RC3H2: variants seen among roughly 807,000 people sequenced by gnomAD.
RC3H2 encodes the protein roquin-2.
In RC3H2, 31 loss-of-function variants were observed where a neutral mutation model predicts 133.3. The observed-to-expected ratio is 0.23, with a 90% confidence interval of 0.17 to 0.31. The LOEUF (loss-of-function observed/expected upper bound fraction) is 0.31, where lower values mean the gene tolerates loss of function less well. Ranked by LOEUF, RC3H2 falls within the 10% of genes least tolerant of loss-of-function variation. RC3H2 has a pLI of 1.00. For missense variants in RC3H2, 1,175 were observed against 1,437.2 expected (o/e 0.82, Z 2.95); for synonymous variants, 517 against 502.2 (o/e 1.03, Z -0.40).
chr9:122,871,675 C>T (rs190312057), intron 9 of RC3H2, among the ~76,000 whole-genome samples: 8 of 152,108 alleles, frequency 5.3e-5, no homozygotes, highest in African/African-American at 1.9e-4. Flanking sequence ...TAAGAGATCT[C>T]CCCTTTCTCA....
At chr9:122,872,763 TTAGTA>T (rs1831155171) in intron 9 of RC3H2, among the ~76,000 whole-genome samples, 1 of 152,190 alleles carries the variant, frequency 6.6e-6, no homozygotes, top group African/African-American at 2.4e-5. Context: ...TTTTGTATTG[TTAGTA>T]GAGACAGAGT....
intron 4 of RC3H2, among the ~76,000 whole-genome samples, chr9:122,889,909 G>C (rs563623954): frequency 6.6e-6 from 1 of 152,110 alleles, no homozygotes; most frequent in African/African-American, 2.4e-5. Context: ...TGGGAGGCTG[G>C]GGCAGGCAGA....
chr9:122,861,873 A>G (rs898330162), intron 10 of RC3H2, among the ~76,000 whole-genome samples: 4 of 152,238 alleles, frequency 2.6e-5, no homozygotes, highest in African/African-American at 9.6e-5. Flanking sequence ...AGTAGGTACA[A>G]ACGTAAGGGT....
Position 122,895,848 on chromosome 9 carries a change from T to C in RC3H2, c.231+1431A>G, listed in dbSNP as rs530437380. ...ACTACCTGAAAACCTATGGTAAGAA[T>C]TAGTAATAATAAATGCTGAATACTT... On this transcript the variant is annotated intron_variant, in intron 2 of 20. Transcript: ENST00000357244. Among the ~76,000 whole-genome samples, 3 of 152,316 alleles carry C rather than the reference T, an allele frequency of 2.0e-5. No homozygotes were observed. In the South Asian group the frequency reaches 6.2e-4, roughly 32 times the overall value.
At chr9:122,860,450 C>T (rs369367557) in intron 10 of RC3H2, among the ~76,000 whole-genome samples, 12 of 144,838 alleles carry the variant, frequency 8.3e-5, no homozygotes, top group Middle Eastern at 3.7e-3. Context: ...CTCTGTCACC[C>T]GGGCTGGAGT....
chr9:122,857,547 T>C (rs1293773218), intron 13 of RC3H2, among the ~76,000 whole-genome samples: 1 of 152,186 alleles, frequency 6.6e-6, no homozygotes, highest in African/African-American at 2.4e-5. Context: ...CTGTAAAATA[T>C]GGAAAATACC....
rs549804579 is a variant in RC3H2, at chr9:122,864,429, T to C, written c.1634+920A>G. On this transcript the variant is annotated intron_variant, in intron 10 of 20. Coordinates refer to ENST00000357244, the MANE Select transcript of RC3H2 (RefSeq NM_001100588.3). ...CTGAGTGCTTACTATCTGGTAGGCA[T>C]TGTTCAAGGCATACTGGAGTATTAA... Among the ~76,000 whole-genome samples, 4 of 152,322 alleles carry C rather than the reference T, an allele frequency of 2.6e-5. No homozygotes were observed. In the East Asian group the frequency reaches 7.7e-4, roughly 29 times the overall value.
intron 4 of RC3H2, among the ~76,000 whole-genome samples, chr9:122,885,403 A>C (rs1233340763): frequency 1.3e-5 from 2 of 152,220 alleles, no homozygotes; most frequent in Non-Finnish European, 2.9e-5. Flanking sequence ...ATTAATCAAA[A>C]CAATAGAGCT....
At chr9:122,865,713 C>T in intron 9 of RC3H2, 56 bp from the exon 10 acceptor site, 2 of 1,466,990 alleles carry the variant, frequency 1.4e-6, no homozygotes, top group South Asian at 2.4e-5. Context: ...TTACTCAAGA[C>T]AAAAAATGGC....
chr9:122,887,319 G>A (rs566365229), intron 4 of RC3H2, among the ~76,000 whole-genome samples: 4 of 152,148 alleles, frequency 2.6e-5, no homozygotes, highest in African/African-American at 7.2e-5. Flanking sequence ...TCATTATGAT[G>A]TTTAAATTGC....
chr9:122,855,638 T>C (rs1318172579), intron 14 of RC3H2, 94 bp downstream of exon 14: 9 of 1,385,526 alleles, frequency 6.5e-6, no homozygotes, highest in African/African-American at 2.9e-5. Context: ...AAGGCAACAA[T>C]ATGAATGAAT....
chr9:122,879,890 A>G lies in RC3H2; in HGVS notation c.1094-17T>C. 1 of 1,612,734 alleles carries G rather than the reference A, an allele frequency of 6.2e-7. No homozygotes were observed. The highest frequency in any genetic ancestry group is 8.5e-7 in the Non-Finnish European group (1 of 1,178,882). On this transcript the variant is annotated splice_polypyrimidine_tract_variant and intron_variant, in intron 7 of 20. Transcript: ENST00000357244. Reference sequence around the variant, plus strand: ...AAACAGCGTCTAAAATAAGCCACCAAGGGCATGGGGGTTGGGGGGGAAGAA... The same window carrying G: ...AAACAGCGTCTAAAATAAGCCACCAGGGGCATGGGGGTTGGGGGGGAAGAA...
intron 1 of RC3H2, among the ~76,000 whole-genome samples, chr9:122,904,272 G>T (rs1005402100): frequency 2.0e-5 from 3 of 152,170 alleles, no homozygotes; most frequent in African/African-American, 7.2e-5. Flanking sequence ...CACTGGATTA[G>T]ATTTACTTTA....
In RC3H2 at chr9:122,859,008, T is replaced by C. The variant is rs1238645091; in HGVS notation, c.1944A>G (p.Pro648=). The C allele has an allele frequency of 6.2e-7, 1 of 1,613,842 alleles. No individual in the cohort carries two copies. Among genetic ancestry groups the C allele is most frequent in the Non-Finnish European group, 8.5e-7 (1 of 1,179,880 alleles). The part of the protein sequence containing the change: ...RSNNVPESSL[P]PASMPYADHY... Reference sequence around the variant, plus strand: ...GATCGGCATATGGCATGGAAGCAGGTGGGAGGGAGGACTCTGGAACGTTAT... The same window carrying C: ...GATCGGCATATGGCATGGAAGCAGGCGGGAGGGAGGACTCTGGAACGTTAT... Residue 648 remains proline (P), a synonymous_variant, in exon 12 of 21, where the codon CCA becomes CCG. Transcript: ENST00000357244.
At chr9:122,878,863 C>G (rs1003983888) in intron 8 of RC3H2, among the ~76,000 whole-genome samples, 2 of 151,358 alleles carry the variant, frequency 1.3e-5, no homozygotes, top group African/African-American at 4.8e-5. Context: ...ATTCTCCTGA[C>G]TCAGCCGTCT....
chr9:122,877,613 G>C (rs776785266), intron 8 of RC3H2, 30 bp from the exon 9 acceptor site: 1 of 1,534,180 alleles, frequency 6.5e-7, no homozygotes, highest in South Asian at 1.1e-5. Flanking sequence ...TTCAATGAGT[G>C]GCAAGGTGAA....
rs761490458 is a variant in RC3H2 at position 122,870,404 on chromosome 9, ACAAAC to A, written c.1326-4752_1326-4748del. ...AACAAACAAACAAACAAACAAACAA[ACAAAC>A]AAACAAAAAAAAAACAACAAACTGA... On this transcript the variant is annotated intron_variant, in intron 9 of 20. Transcript: ENST00000357244. Among the ~76,000 whole-genome samples the A allele has an allele frequency of 3.2e-4, 42 of 130,966 alleles. 3 individuals carry two copies. The highest frequency in any genetic ancestry group is 3.6e-3 in the Middle Eastern group (1 of 278). The allele number at this position is 130,966 out of a possible 152,430, so 85.9% of individuals were successfully genotyped here.
rs1829831208 is a variant in RC3H2, at chr9:122,844,717, A to AC, written c.*4909dup. ...CACTTCAGTGCTACAGCAAAAACAC[A>AC]CAGAATTCACTCTTTGCTATTCACT... On this transcript the variant is annotated 3_prime_UTR_variant, in exon 21 of 21. Transcript: ENST00000357244. 1 of 152,194 alleles carries AC rather than the reference A, an allele frequency of 6.6e-6. No homozygotes were observed. The allele number at this position is 152,194 out of a possible 1,614,324, so 9.4% of individuals were successfully genotyped here. A position where few individuals can be genotyped will look rare whatever the true frequency, so the allele number is the denominator to read the frequency against.
chr9:122,887,741 CT>C (rs112010654), intron 4 of RC3H2, among the ~76,000 whole-genome samples: 17,732 of 118,016 alleles, frequency 0.15, 1,186 homozygotes, highest in East Asian at 0.52. Flanking sequence ...ATACTTGTAT[CT>C]TTTTTTTTTT....
Sources: allele counts gnomAD v4.1 joint callset (sites outside exome capture counted in the v4.1 genomes callset), GRCh38; gene constraint gnomAD v4.1.1; transcripts MANE v1.5; gene names NCBI Gene and HGNC (gene_info 2026-07-23, HGNC 2026-07-21).